Variants in ADCY1 observed in about 807,000 individuals in gnomAD.
The protein encoded by ADCY1 is adenylate cyclase type 1.
A neutral mutation model predicts 105.4 loss-of-function variants in ADCY1; 28 were observed. That is an observed-to-expected ratio of 0.27 (90% CI 0.20 to 0.36). The LOEUF (loss-of-function observed/expected upper bound fraction) is 0.36. Among genes scored for constraint, ADCY1 ranks in the 10% least tolerant of loss-of-function variants. The pLI, the probability that ADCY1 is intolerant of heterozygous loss-of-function variation, is 1.00. For synonymous variants in ADCY1, 655 were observed against 623.8 expected (o/e 1.05, Z -0.75); for missense variants, 977 against 1,434.2 (o/e 0.68, Z 5.15).
intron 5 of ADCY1, among the ~76,000 whole-genome samples, chr7:45,650,904 C>G (rs911028687): frequency 7.9e-5 from 12 of 152,196 alleles, no homozygotes; most frequent in Non-Finnish European, 1.5e-5. Context: ...ACCCACCTGG[C>G]TTGCTCCACT....
chr7:45,657,916 G>GGTTGGT, intron 6 of ADCY1, 31 bp downstream of exon 6: 4 of 502,914 alleles, frequency 8.0e-6, no homozygotes, highest in South Asian at 1.5e-5. Context: ...GGAGGGGAGG[G>GGTTGGT]AGGTGGGTGA....
intron 1 of ADCY1, among the ~76,000 whole-genome samples, chr7:45,582,213 A>G (rs1171837951): frequency 2.0e-5 from 3 of 152,164 alleles, no homozygotes; most frequent in African/African-American, 7.2e-5. Context: ...TGTTACTAAT[A>G]TGTGGGTCTT....
chr7:45,583,556 G>A (rs542338851), intron 1 of ADCY1, among the ~76,000 whole-genome samples: 1 of 152,322 alleles, frequency 6.6e-6, no homozygotes, highest in African/African-American at 2.4e-5. Flanking sequence ...TTCAGCCTTT[G>A]GGAAGTGGCT....
chr7:45,686,147 G>A lies in ADCY1; in HGVS notation c.2259G>A (p.Met753Ile). 1 of 1,614,158 alleles carries A rather than the reference G, an allele frequency of 6.2e-7. No homozygotes were observed. The highest frequency in any genetic ancestry group is 8.5e-7 in the Non-Finnish European group (1 of 1,180,028). The change falls in exon 13 of 20, where the codon ATG becomes ATA. Residue 753 changes from methionine (M) to isoleucine (I), a missense_variant. Around this residue, in one of 7 missense-constraint regions of ADCY1, gnomAD observed 275 missense variants for 362.1 expected, o/e 0.76. Transcript: ENST00000297323. This position sits in a 1 kb window ranked among gnomAD's most constrained non-coding sequence, Gnocchi z 4.3. ...IFFRVSSLPK[M>I]ILLSGLTTSY... is the part of the protein sequence containing the mutation. ...TCCGGGTGTCCTCCTTGCCAAAAAT[G>A]ATCCTGCTCTCCGGGCTCACCACGT...
chr7:45,681,356 T>G (rs1226870314), intron 11 of ADCY1, among the ~76,000 whole-genome samples: 1 of 152,194 alleles, frequency 6.6e-6, no homozygotes, highest in East Asian at 1.9e-4. Context: ...TTTTGTTCTC[T>G]TGGTGGACTC....
intron 5 of ADCY1, among the ~76,000 whole-genome samples, chr7:45,653,746 C>T (rs1429580562): frequency 6.6e-6 from 1 of 152,202 alleles, no homozygotes; most frequent in Non-Finnish European, 1.5e-5. Context: ...TCTGCTCATA[C>T]CCCTCTCCTC....
intron 11 of ADCY1, among the ~76,000 whole-genome samples, chr7:45,682,749 T>A (rs913417706): frequency 4.6e-5 from 7 of 152,138 alleles, no homozygotes; most frequent in Admixed American, 4.6e-4. Flanking sequence ...AGAGGCCGCA[T>A]CCCATCATAG....
chr7:45,601,267 A>G (rs1445009746), intron 2 of ADCY1, among the ~76,000 whole-genome samples: 1 of 152,030 alleles, frequency 6.6e-6, no homozygotes, highest in Non-Finnish European at 1.5e-5. Context: ...TCTTACTTGA[A>G]CTGCATGTGG....
At chr7:45,605,932 A>G (rs1329026578) in intron 2 of ADCY1, among the ~76,000 whole-genome samples, 1 of 152,052 alleles carries the variant, frequency 6.6e-6, no homozygotes, top group Non-Finnish European at 1.5e-5. Flanking sequence ...GCCTCTGTAT[A>G]TTATTTGGAC....
intron 14 of ADCY1, among the ~76,000 whole-genome samples, chr7:45,702,274 C>A (rs995251864): frequency 2.0e-5 from 3 of 152,196 alleles, no homozygotes; most frequent in Non-Finnish European, 4.4e-5. Context: ...TTGTTAAGTA[C>A]AACCCTACAA....
At chr7:45,682,002 C>T (rs147034480) in intron 11 of ADCY1, among the ~76,000 whole-genome samples, 17 of 152,304 alleles carry the variant, frequency 1.1e-4, no homozygotes, top group Middle Eastern at 3.4e-3. Context: ...CCCCATCCCT[C>T]GGGGGTATGT....
intron 4 of ADCY1, among the ~76,000 whole-genome samples, chr7:45,643,673 T>C (rs185854547): frequency 1.5e-3 from 232 of 152,358 alleles, no homozygotes; most frequent in African/African-American, 5.3e-3. Flanking sequence ...AATAATTGCA[T>C]GGTTCAGTTC....
chr7:45,626,323 C>T (rs994324557), intron 4 of ADCY1, among the ~76,000 whole-genome samples: 4 of 152,186 alleles, frequency 2.6e-5, no homozygotes, highest in South Asian at 2.1e-4. Context: ...GACATCCATA[C>T]GCCCTGTGTT....
intron 2 of ADCY1, among the ~76,000 whole-genome samples, chr7:45,601,269 T>C (rs1050290707): frequency 1.3e-5 from 2 of 152,136 alleles, no homozygotes; most frequent in Non-Finnish European, 2.9e-5. Flanking sequence ...TTACTTGAAC[T>C]GCATGTGGCA....
chr7:45,587,803 G>A (rs1287846208), intron 1 of ADCY1, among the ~76,000 whole-genome samples: 1 of 152,154 alleles, frequency 6.6e-6, no homozygotes, highest in Non-Finnish European at 1.5e-5. Context: ...CAGAGGACAT[G>A]CCCTCACTGC....
At chr7:45,661,957 T>C in intron 7 of ADCY1, 102 bp from the exon 8 acceptor site, 1 of 1,369,482 alleles carries the variant, frequency 7.3e-7, no homozygotes, top group Non-Finnish European at 1.0e-6. Context: ...TGAATCCCAG[T>C]GCCCTGGGGT....
At chr7:45,613,014 C>G (rs1175808492) in intron 3 of ADCY1, among the ~76,000 whole-genome samples, 1 of 152,098 alleles carries the variant, frequency 6.6e-6, no homozygotes, top group Non-Finnish European at 1.5e-5. Flanking sequence ...GGAGAGGTAC[C>G]TGCTTTGTCT....
At chr7:45,701,563 A>G (rs1784996921) in intron 14 of ADCY1, among the ~76,000 whole-genome samples, 1 of 152,220 alleles carries the variant, frequency 6.6e-6, no homozygotes, top group South Asian at 2.1e-4. Context: ...CAAAGCTATT[A>G]TTTTAGAAAA....
At position 45,718,979 on chromosome 7, in the gene ADCY1, A is replaced by T. The variant is rs1191886308; in HGVS notation, c.*4984A>T. ...GTCAGGCCCTGCCGTTGGGGAATGA[A>T]TGCCACACGGGGTTTGTCTGTAAGC... On this transcript the variant is annotated 3_prime_UTR_variant, in exon 20 of 20. Transcript: ENST00000297323. 1 of 152,808 alleles carries T rather than the reference A, an allele frequency of 6.5e-6. No individual in the cohort carries two copies. Among genetic ancestry groups the T allele is most frequent in the Non-Finnish European group, 1.5e-5 (1 of 68,158 alleles). 9.5% of individuals were successfully genotyped at this position (152,808 alleles called of 1,614,324 possible).
Sources: allele counts gnomAD v4.1 joint callset (sites outside exome capture counted in the v4.1 genomes callset), GRCh38; gene constraint gnomAD v4.1.1; regional missense constraint gnomAD v4.1.1; non-coding constraint Gnocchi (gnomAD v3.1); transcripts MANE v1.5; gene names NCBI Gene and HGNC (gene_info 2026-07-23, HGNC 2026-07-21).